Variants in ABCC4 observed in about 807,000 individuals in gnomAD.
The protein encoded by ABCC4 is ATP-binding cassette sub-family C member 4.
Under a neutral mutation model 168.5 loss-of-function variants are expected in ABCC4, and 102 were observed. The ratio of observed to expected loss-of-function variants is 0.61; its 90% CI spans 0.52 to 0.71. ABCC4 has a LOEUF of 0.71. Ranked by LOEUF, ABCC4 falls within the 30% of genes least tolerant of loss-of-function variation. ABCC4 has a pLI of 0.00. For synonymous variants in ABCC4, 617 were observed against 590.7 expected (o/e 1.04, Z -0.65); for missense variants, 1,402 against 1,605.8 (o/e 0.87, Z 2.17).
At chr13:95,028,336 T>C (rs4148542) in intron 30 of ABCC4, among the ~76,000 whole-genome samples, 79,160 of 151,984 alleles carry the variant, frequency 0.52, 20,851 homozygotes, top group African/African-American at 0.56. Context: ...CACCATCTTT[T>C]CAATGCCCAA....
chr13:95,103,921 T>C (rs2034904934), intron 20 of ABCC4, among the ~76,000 whole-genome samples: 2 of 152,126 alleles, frequency 1.3e-5, no homozygotes, highest in African/African-American at 2.4e-5. Flanking sequence ...CCTAAACTCC[T>C]GCACTTCCTG....
chr13:95,157,125 CACACAA>C (rs747784613), intron 19 of ABCC4, among the ~76,000 whole-genome samples: 7,160 of 140,964 alleles, frequency 0.051, 192 homozygotes, highest in Middle Eastern at 0.11. Flanking sequence ...CACACACACA[CACACAA>C]ACAGTCACCA....
chr13:95,225,112 C>G (rs2039417798), intron 4 of ABCC4, among the ~76,000 whole-genome samples: 1 of 151,256 alleles, frequency 6.6e-6, no homozygotes, highest in African/African-American at 2.4e-5. Context: ...TCTTCTCTCC[C>G]TCTCCCCCAC....
intron 4 of ABCC4, among the ~76,000 whole-genome samples, chr13:95,225,151 TCTCACACACACACACA>T (rs1380390447): frequency 3.5e-3 from 108 of 30,632 alleles, no homozygotes; most frequent in East Asian, 0.012. Flanking sequence ...TCTCTCTCTC[TCTCACACACACACACA>T]CACACACACA....
chr13:95,105,042 T>G (rs1179281810), intron 20 of ABCC4, among the ~76,000 whole-genome samples: 1 of 151,938 alleles, frequency 6.6e-6, no homozygotes, highest in Non-Finnish European at 1.5e-5. Context: ...ATTATACAAC[T>G]TACCATAATG....
At chr13:95,102,041 G>C (rs2034827981) in intron 20 of ABCC4, among the ~76,000 whole-genome samples, 2 of 152,200 alleles carry the variant, frequency 1.3e-5, no homozygotes, top group African/African-American at 4.8e-5. Context: ...ATGTGGCTTT[G>C]TGAGGAAAGA....
intron 20 of ABCC4, among the ~76,000 whole-genome samples, chr13:95,114,190 C>T (rs992867131): frequency 2.0e-5 from 3 of 152,156 alleles, no homozygotes; most frequent in Admixed American, 1.3e-4. Flanking sequence ...CCTTGTCTCT[C>T]TGGTTAAATA....
At chr13:95,264,461 G>GATAACAGT (rs2040614745) in intron 1 of ABCC4, among the ~76,000 whole-genome samples, 1 of 152,192 alleles carries the variant, frequency 6.6e-6, no homozygotes, top group Admixed American at 6.5e-5. Flanking sequence ...TTAACAGAGT[G>GATAACAGT]ATAACAGTTA....
chr13:95,205,166 T>C (rs2038745765), intron 8 of ABCC4, among the ~76,000 whole-genome samples: 1 of 152,182 alleles, frequency 6.6e-6, no homozygotes, highest in African/African-American at 2.4e-5. Context: ...ATGGTCTGTT[T>C]TATAGGTAAT....
At chr13:95,286,487 G>A (rs1362503483) in intron 1 of ABCC4, among the ~76,000 whole-genome samples, 1 of 151,730 alleles carries the variant, frequency 6.6e-6, no homozygotes, top group African/African-American at 2.4e-5. Context: ...CATAGATAGT[G>A]GCCCACTTCT....
At position 95,212,858 on chromosome 13, in the gene ABCC4, T is replaced by G. The variant is rs1008200303; in HGVS notation, c.532-2077A>C. Among the ~76,000 whole-genome samples, 8 of 152,284 alleles carry G rather than the reference T, an allele frequency of 5.3e-5. No individual in the cohort carries two copies. In the East Asian group the frequency reaches 1.2e-3, roughly 22 times the overall value. On this transcript the variant is annotated intron_variant, in intron 4 of 30. Coordinates refer to ENST00000645237, the MANE Select transcript of ABCC4 (RefSeq NM_005845.5). ...AATGAGGAAGACATGCCAGGTGCGG[T>G]GGCTCACACCTGTAATCCCAGCACT...
chr13:95,124,051 G>A (rs1386723733), intron 19 of ABCC4, among the ~76,000 whole-genome samples: 2 of 152,190 alleles, frequency 1.3e-5, no homozygotes, highest in Admixed American at 6.5e-5. Context: ...AAGGTGTGCT[G>A]ATAGGAGAGG....
Position 95,131,976 on chromosome 13 carries a change from G to A in ABCC4, c.2456-15975C>T, listed in dbSNP as rs377377581. 2.4e-4 allele frequency among the ~76,000 whole-genome samples: 36 copies of A among 152,170 alleles called. 2 individuals carry two copies. In the East Asian group the frequency reaches 5.8e-3, roughly 24 times the overall value. Reference sequence around the variant, plus strand: ...ATATACACAACAGAAGAGACTACGGGGGTCTAAAAGAGATATGCGCACACT... The same window carrying A: ...ATATACACAACAGAAGAGACTACGGAGGTCTAAAAGAGATATGCGCACACT... On this transcript the variant is annotated intron_variant, in intron 19 of 30. Transcript: ENST00000645237.
intron 9 of ABCC4, among the ~76,000 whole-genome samples, chr13:95,192,514 G>A (rs571248620): frequency 6.6e-6 from 1 of 151,688 alleles, no homozygotes; most frequent in African/African-American, 2.4e-5. Flanking sequence ...TTTGCAAATG[G>A]GACCTACACA....
intron 14 of ABCC4, among the ~76,000 whole-genome samples, chr13:95,167,777 A>G (rs2037332711): frequency 6.6e-6 from 1 of 152,162 alleles, no homozygotes; most frequent in Non-Finnish European, 1.5e-5. Context: ...CCGAGGGGGA[A>G]CCGTGCTCTG....
chr13:95,281,916 G>C (rs1026374445), intron 1 of ABCC4, among the ~76,000 whole-genome samples: 2 of 152,126 alleles, frequency 1.3e-5, no homozygotes, highest in Non-Finnish European at 1.5e-5. Flanking sequence ...AGACCAGGCT[G>C]GCCAACATGG....
intron 1 of ABCC4, among the ~76,000 whole-genome samples, chr13:95,295,774 C>T (rs1348193740): frequency 6.6e-6 from 1 of 151,636 alleles, no homozygotes; most frequent in African/African-American, 2.4e-5. Flanking sequence ...ACCAGCCTGG[C>T]CAACATACTG....
At chr13:95,173,232 T>C (rs1415035919) in intron 13 of ABCC4, among the ~76,000 whole-genome samples, 1 of 152,176 alleles carries the variant, frequency 6.6e-6, no homozygotes, top group African/African-American at 2.4e-5. Flanking sequence ...CATGAGACTA[T>C]CTGGGGGAAG....
chr13:95,110,461 C>T (rs2035165889), intron 20 of ABCC4, among the ~76,000 whole-genome samples: 1 of 152,114 alleles, frequency 6.6e-6, no homozygotes, highest in Non-Finnish European at 1.5e-5. Context: ...AACACCATAT[C>T]TCCCCATCAA....
Sources: gnomAD v4.1 joint callset for allele counts (sites outside exome capture counted in the v4.1 genomes callset) on GRCh38, gnomAD v4.1.1 for gene constraint, MANE v1.5 for transcripts, NCBI Gene and HGNC (gene_info 2026-07-23, HGNC 2026-07-21) for gene names.